The following FAT1 variants were observed in gnomAD, a reference collection of about 807,000 sequenced individuals.
FAT1 encodes FAT atypical cadherin 1.
Under a neutral mutation model 329.8 loss-of-function variants are expected in FAT1, and 171 were observed. The ratio of observed to expected loss-of-function variants is 0.52; its 90% CI spans 0.46 to 0.59. The LOEUF (loss-of-function observed/expected upper bound fraction) is 0.59. FAT1 is among the 20% of genes least tolerant of loss of function. FAT1 has a pLI of 0.00. For missense variants in FAT1, 5,672 were observed against 5,774.4 expected, an observed-to-expected ratio of 0.98 and a Z score of 0.57; for synonymous variants, 2,233 against 2,228.6, an observed-to-expected ratio of 1.00 and a Z score of -0.06.
Position 186,663,375 on chromosome 4 carries a change from C to T in FAT1, c.3504G>A (p.Ser1168=), listed in dbSNP as rs1462967243. 32 of 1,613,772 alleles carry T rather than the reference C, an allele frequency of 2.0e-5. No homozygotes were observed. The highest frequency in any genetic ancestry group is 1.1e-4 in the East Asian group (5 of 44,890). Residue 1168 remains serine, a synonymous_variant, in exon 3 of 27, where the codon TCG becomes TCA. Transcript: ENST00000441802. ...TGTACATGAGCTTGTCATTAGAGCT[C>T]GAATCTGGATCAAATGCCTCGATCT... ...VVQIEAFDPD[S]SSNDKLMYKI...
Position 186,595,866 on chromosome 4 carries a change from G to A in FAT1, c.13001-40C>T, listed in dbSNP as rs756290910. 7.5e-6 allele frequency: 12 copies of A among 1,610,166 alleles called. No individual in the cohort carries two copies. The East Asian group carries it at 2.5e-4, about 33-fold the overall frequency. On this transcript the variant is annotated intron_variant, in intron 25 of 26. Coordinates refer to ENST00000441802, the MANE Select transcript of FAT1 (RefSeq NM_005245.4). Reference sequence around the variant, plus strand: ...GACAAACAGTAAGTATATGGGCCAAGACGGTTTTGTTCACCGCTGAATCCT... The same window carrying A: ...GACAAACAGTAAGTATATGGGCCAAAACGGTTTTGTTCACCGCTGAATCCT...
At chr4:186,704,842 G>C (rs983523522) in intron 2 of FAT1, among the ~76,000 whole-genome samples, 1 of 151,700 alleles carries the variant, frequency 6.6e-6, no homozygotes, top group Admixed American at 6.6e-5. Flanking sequence ...ATAGTCTGTA[G>C]ACTTAATACA....
chr4:186,607,875 T>A (rs1739224051), intron 16 of FAT1, among the ~76,000 whole-genome samples: 1 of 152,168 alleles, frequency 6.6e-6, no homozygotes. Context: ...CAATCCCTCA[T>A]GTCACTTCTA....
rs117619682 is a variant in FAT1, at chr4:186,640,123, T to A, written c.3581-340A>T. ...GCCTGGGCAACAAAGTGAGACTCCA[T>A]CTCAAAAATACAATAAAAAACAAAA... On this transcript the variant is annotated intron_variant, in intron 3 of 26. Coordinates refer to ENST00000441802, the MANE Select transcript of FAT1 (RefSeq NM_005245.4). Among the ~76,000 whole-genome samples the A allele has an allele frequency of 3.0e-4, 45 of 152,146 alleles. 1 individual carries two copies. The East Asian group carries it at 8.7e-3, about 29-fold the overall frequency.
At chr4:186,621,975 T>C (rs1041422276) in intron 9 of FAT1, among the ~76,000 whole-genome samples, 200 bp from the exon 10 acceptor site, 10 of 152,232 alleles carry the variant, frequency 6.6e-5, no homozygotes, top group African/African-American at 2.2e-4. Context: ...TACAGAATTT[T>C]GTCCATAAAT....
chr4:186,609,822 A>G lies in FAT1; in HGVS notation c.10047T>C (p.Val3349=). ...ACACCGTGATGACAGACTGCTCAAG[A>G]ACGGCATCTTCACTGATGACTGTCG... The part of the protein sequence containing the change: ...TYTTVISEDA[V]LEQSVITVMA... Residue 3349 remains valine, a synonymous_variant, in exon 15 of 27, where the codon GTT becomes GTC. Transcript: ENST00000441802. 1 of 1,613,114 alleles carries G rather than the reference A, an allele frequency of 6.2e-7. No individual in the cohort carries two copies. Among genetic ancestry groups the G allele is most frequent in the Non-Finnish European group, 8.5e-7 (1 of 1,179,046 alleles).
At chr4:186,589,350 A>G (rs968194087) in intron 26 of FAT1, 130 bp from the exon 27 acceptor site, 3 of 1,037,950 alleles carry the variant, frequency 2.9e-6, no homozygotes. Context: ...TCACCACTGG[A>G]AATTCCTCGT....
intron 2 of FAT1, among the ~76,000 whole-genome samples, chr4:186,688,172 G>A (rs1025400357): frequency 7.1e-6 from 1 of 141,042 alleles, no homozygotes; most frequent in Middle Eastern, 4.2e-3. Flanking sequence ...CCCTTTTCAT[G>A]ACCTTAAATG....
In FAT1 at chr4:186,706,458, C is replaced by A; in HGVS notation, c.3265+105G>T. 2.4e-6 allele frequency: 3 copies of A among 1,265,522 alleles called. No individual in the cohort carries two copies. In the South Asian group the frequency reaches 4.5e-5, roughly 19 times the overall value. 78.4% of individuals were successfully genotyped at this position (1,265,522 alleles called of 1,614,324 possible). A position where few individuals can be genotyped will look rare whatever the true frequency, so the allele number is the denominator to read the frequency against. On this transcript the variant is annotated intron_variant, in intron 2 of 26. Transcript: ENST00000441802. Reference sequence around the variant, plus strand: ...TTCACACGCACTTCTATACCGAGCCCAAAGAGCAACAGGGAATTTTGAAGA... The same window carrying A: ...TTCACACGCACTTCTATACCGAGCCAAAAGAGCAACAGGGAATTTTGAAGA...
At chr4:186,699,122 G>T (rs952605017) in intron 2 of FAT1, among the ~76,000 whole-genome samples, 1 of 151,970 alleles carries the variant, frequency 6.6e-6, no homozygotes, top group Non-Finnish European at 1.5e-5. Context: ...GCCTGTACAC[G>T]GCAAGTACTC....
chr4:186,636,470 G>T, intron 5 of FAT1, 115 bp downstream of exon 5: 1 of 1,166,586 alleles, frequency 8.6e-7, no homozygotes, highest in Non-Finnish European at 1.2e-6. Flanking sequence ...GGGCCAGCAG[G>T]TCACAAACAC....
intron 2 of FAT1, among the ~76,000 whole-genome samples, chr4:186,702,546 C>T (rs1018722920): frequency 5.3e-5 from 8 of 152,194 alleles, no homozygotes; most frequent in African/African-American, 1.9e-4. Context: ...GACCTCAACC[C>T]AACACTGCTT....
rs1156447117 is a variant in FAT1, at chr4:186,620,985, T to G, written c.5601A>C (p.Val1867=). 1 of 1,613,230 alleles carries G rather than the reference T, an allele frequency of 6.2e-7. No homozygotes were observed. The highest frequency in any genetic ancestry group is 2.2e-5 in the East Asian group (1 of 44,904). Residue 1867 remains valine (V), a synonymous_variant, in exon 10 of 27, where the codon GTA becomes GTC. Coordinates refer to ENST00000441802, the MANE Select transcript of FAT1 (RefSeq NM_005245.4). ...GGCAGTCATTAATGTCAATTACATGTACTGTTACATTCGCTGCATACTCAG... is the reference window on the plus strand; with the variant it reads ...GGCAGTCATTAATGTCAATTACATGGACTGTTACATTCGCTGCATACTCAG... The part of the protein sequence containing the change: ...LFAEYAANVT[V]HVIDINDCPP...
At chr4:186,624,665 C>A (rs1364124083) in intron 9 of FAT1, among the ~76,000 whole-genome samples, 1 of 152,158 alleles carries the variant, frequency 6.6e-6, no homozygotes, top group African/African-American at 2.4e-5. Flanking sequence ...TCAGACCAAA[C>A]CTTTTACTCA....
intron 7 of FAT1, among the ~76,000 whole-genome samples, chr4:186,632,643 A>G (rs1028398785): frequency 1.3e-4 from 20 of 151,174 alleles, no homozygotes; most frequent in Admixed American, 1.2e-3. Context: ...ACTAAAAATC[A>G]CAAGCATTTG....
intron 2 of FAT1, among the ~76,000 whole-genome samples, chr4:186,674,852 G>A (rs1742881024): frequency 1.3e-5 from 2 of 152,034 alleles, no homozygotes; most frequent in South Asian, 4.1e-4. Flanking sequence ...TGGACAACAT[G>A]GCGAAACCTC....
chr4:186,643,459 C>T (rs1384297740), intron 3 of FAT1, among the ~76,000 whole-genome samples: 1 of 152,174 alleles, frequency 6.6e-6, no homozygotes, highest in Non-Finnish European at 1.5e-5. Context: ...CTAATGCCAT[C>T]TCCAGAGAGA....
rs1366092592 is a variant in FAT1 at position 186,617,977 on chromosome 4, G to T, written c.8609C>A (p.Thr2870Lys). The change falls in exon 10 of 27, where the codon ACA becomes AAA. Residue 2870 changes from threonine to lysine, a missense_variant. Thr to Lys is a moderately conservative substitution (Grantham distance 78). Coordinates refer to ENST00000441802, the MANE Select transcript of FAT1 (RefSeq NM_005245.4). ...TTCATGGTCAAGTTCCTTTAAAGTTGTAATCCAGCCTGTTTCCATGTTAAT... is the reference window on the plus strand; with the variant it reads ...TTCATGGTCAAGTTCCTTTAAAGTTTTAATCCAGCCTGTTTCCATGTTAAT... ...FAINMETGWI[T>K]TLKELDHEKR... The T allele has an allele frequency of 1.2e-6, 2 of 1,613,894 alleles. No homozygotes were observed. The highest frequency in any genetic ancestry group is 3.3e-5 in the Admixed American group (2 of 60,000).
chr4:186,696,113 T>A (rs1441273919), intron 2 of FAT1, among the ~76,000 whole-genome samples: 4 of 152,164 alleles, frequency 2.6e-5, no homozygotes, highest in African/African-American at 9.6e-5. Context: ...ACACTTATTT[T>A]AAAAATTACT....
Sources: allele counts gnomAD v4.1 joint callset (sites outside exome capture counted in the v4.1 genomes callset), GRCh38; gene constraint gnomAD v4.1.1; transcripts MANE v1.5; gene names NCBI Gene and HGNC (gene_info 2026-07-23, HGNC 2026-07-21).